The following KIF11 variants were observed in gnomAD, a reference collection of about 807,000 sequenced individuals.
The protein encoded by KIF11 is kinesin family member 11, also known as kinesin-like protein KIF11.
A neutral mutation model predicts 121.0 loss-of-function variants in KIF11; 9 were observed. The ratio of observed to expected loss-of-function variants is 0.07; its 90% confidence interval spans 0.04 to 0.13. The LOEUF (loss-of-function observed/expected upper bound fraction) is 0.13, where lower values mean the gene tolerates loss of function less well. Among genes scored for constraint, KIF11 ranks in the 10% least tolerant of loss-of-function variants. The pLI is 1.00. For synonymous variants in KIF11, 408 were observed against 421.0 expected (o/e 0.97, Z 0.38); for missense variants, 846 against 1,217.5 (o/e 0.69, Z 4.54).
chr10:92,637,163 T>G, intron 14 of KIF11, 21 bp from the exon 15 acceptor site: 1 of 1,555,968 alleles, frequency 6.4e-7, no homozygotes, highest in Non-Finnish European at 8.6e-7. Context: ...TAAAGACCTA[T>G]TTGTTTATTT....
intron 1 of KIF11, among the ~76,000 whole-genome samples, chr10:92,595,777 T>C (rs921943230): frequency 5.3e-5 from 8 of 152,172 alleles, no homozygotes; most frequent in South Asian, 2.1e-4. Context: ...GACTGTCTTA[T>C]GATTTTGACT....
chr10:92,649,948 C>A lies in KIF11; in HGVS notation c.2884C>A (p.Leu962Ile). 6.2e-7 allele frequency: 1 copy of A among 1,612,810 alleles called. No individual in the cohort carries two copies. Among genetic ancestry groups the A allele is most frequent in the Non-Finnish European group, 8.5e-7 (1 of 1,179,172 alleles). ...KRKQPELLMMLNCSENNKEET... is the reference protein window; with the variant it reads ...KRKQPELLMMINCSENNKEET... Reference sequence around the variant, plus strand: ...GAAACAGCCTGAGCTGTTAATGATGCTAAACTGTTCAGAAAACAACAAAGA... The same window carrying A: ...GAAACAGCCTGAGCTGTTAATGATGATAAACTGTTCAGAAAACAACAAAGA... The change falls in exon 20 of 22, where the codon CTA becomes ATA. Residue 962 changes from leucine (L) to isoleucine (I), a missense_variant. Coordinates refer to ENST00000260731, the MANE Select transcript of KIF11 (RefSeq NM_004523.4).
Position 92,593,405 on chromosome 10 carries a change from G to T in KIF11, c.30G>T (p.Lys10Asn). The part of the protein sequence containing the change: MASQPNSSA[K>N]KKEEKGKNIQ... ...CGTCGCAGCCAAATTCGTCTGCGAA[G>T]AAGAAAGAGGAGAAGGGGAAGAACA... The change falls in exon 1 of 22, where the codon AAG becomes AAT. Residue 10 changes from lysine to asparagine, a missense_variant. By Grantham distance (94) the Lys-to-Asn change is moderately conservative (BLOSUM62 0). This residue lies in a region of KIF11 where 140 missense variants were observed against 193.5 expected (regional missense o/e 0.72). Coordinates refer to ENST00000260731, the MANE Select transcript of KIF11 (RefSeq NM_004523.4). 1.2e-6 allele frequency: 2 copies of T among 1,611,254 alleles called. No homozygotes were observed. Among genetic ancestry groups the T allele is most frequent in the Non-Finnish European group, 1.7e-6 (2 of 1,179,006 alleles).
At chr10:92,612,430 C>T (rs1844508171) in intron 6 of KIF11, among the ~76,000 whole-genome samples, 1 of 152,098 alleles carries the variant, frequency 6.6e-6, no homozygotes, top group Non-Finnish European at 1.5e-5. Flanking sequence ...GAGCTACCAC[C>T]CCTGGCCTGA....
At chr10:92,645,317 G>T in intron 17 of KIF11, 46 bp from the exon 18 acceptor site, 1 of 1,406,618 alleles carries the variant, frequency 7.1e-7, no homozygotes. Flanking sequence ...TATATCCTTT[G>T]AGTCTTAATT....
intron 17 of KIF11, among the ~76,000 whole-genome samples, chr10:92,642,498 C>T (rs560043251): frequency 5.9e-5 from 9 of 152,286 alleles, no homozygotes; most frequent in Admixed American, 2.0e-4. Context: ...AGGTCATCCA[C>T]GGCCTTACTG....
At chr10:92,631,354 ATTTTTTT>A (rs1247892671) in intron 12 of KIF11, among the ~76,000 whole-genome samples, 1 of 131,956 alleles carries the variant, frequency 7.6e-6, no homozygotes, top group African/African-American at 3.0e-5. Context: ...AAAGTATTTA[ATTTTTTT>A]TTTTTTTTTT....
In KIF11 at chr10:92,629,603, C is replaced by A. The variant is rs985092609; in HGVS notation, c.1306-573C>A. On this transcript the variant is annotated intron_variant, in intron 11 of 21. Coordinates refer to ENST00000260731, the MANE Select transcript of KIF11 (RefSeq NM_004523.4). ...TTCAGGGCCACCCTCATATTAATAC[C>A]TTTATTTATTTATTTTTAATTATTT... is the stretch of plus-strand genomic sequence containing the variant. Among the ~76,000 whole-genome samples, 13 of 151,590 alleles carry A rather than the reference C, an allele frequency of 8.6e-5. 1 individual carries two copies. Among genetic ancestry groups the A allele is most frequent in the Non-Finnish European group, 1.9e-4 (13 of 67,976 alleles).
chr10:92,598,498 T>TTG (rs1844328025), intron 1 of KIF11, among the ~76,000 whole-genome samples: 1 of 152,202 alleles, frequency 6.6e-6, no homozygotes, highest in Non-Finnish European at 1.5e-5. Flanking sequence ...TATTGCAGCT[T>TTG]TGTAGTAAGT....
At chr10:92,612,033 A>G (rs774839091) in intron 6 of KIF11, among the ~76,000 whole-genome samples, 4 of 152,234 alleles carry the variant, frequency 2.6e-5, no homozygotes, top group Non-Finnish European at 5.9e-5. Flanking sequence ...GCCATTGGAT[A>G]CAGAAAGAAT....
At position 92,621,493 on chromosome 10, in the gene KIF11, G is replaced by A; in HGVS notation, c.1217+20G>A. ...TTTTAGGTAAGCCCTTGGCTATGGA[G>A]TTAATTTCCAAGAATAAGCATTTCT... On this transcript the variant is annotated intron_variant, in intron 10 of 21. Transcript: ENST00000260731. 1 of 1,439,646 alleles carries A rather than the reference G, an allele frequency of 6.9e-7. No homozygotes were observed. Among genetic ancestry groups the A allele is most frequent in the Non-Finnish European group, 9.7e-7 (1 of 1,026,992 alleles). The allele number at this position is 1,439,646 out of a possible 1,614,324, so 89.2% of individuals were successfully genotyped here. A position where few individuals can be genotyped will look rare whatever the true frequency, so the allele number is the denominator to read the frequency against.
intron 10 of KIF11, among the ~76,000 whole-genome samples, chr10:92,626,239 C>T (rs1038736173): frequency 3.9e-5 from 6 of 152,064 alleles, no homozygotes; most frequent in South Asian, 2.1e-4. Flanking sequence ...CCAATGGAAC[C>T]GAATAGAGAG....
chr10:92,614,818 C>G, intron 8 of KIF11, among the ~76,000 whole-genome samples: 1 of 152,186 alleles, frequency 6.6e-6, no homozygotes, highest in Non-Finnish European at 1.5e-5. Context: ...GAGTCTCATA[C>G]TGTTGCCAAG....
intron 17 of KIF11, among the ~76,000 whole-genome samples, chr10:92,641,791 C>G (rs879651448): frequency 2.0e-5 from 3 of 151,968 alleles, no homozygotes; most frequent in Non-Finnish European, 2.9e-5. Flanking sequence ...AATGTTAGAT[C>G]TTTTATTTTG....
At chr10:92,646,480 A>T (rs11187114) in intron 18 of KIF11, among the ~76,000 whole-genome samples, 47,166 of 151,996 alleles carry the variant, frequency 0.31, 8,249 homozygotes, top group East Asian at 0.67. Flanking sequence ...AATCTATATA[A>T]GCTGTTTTCA....
Position 92,648,284 on chromosome 10 carries a change from G to C in KIF11, c.2620G>C (p.Glu874Gln). The stretch of plus-strand genomic sequence containing the variant: ...ATCAGATGGACGTAAGGCAGCTCAT[G>C]AGAAACAGCATAACATTTTTCTTGA... ...EKSDGRKAAH[E>Q]KQHNIFLDQM... is the part of the protein sequence containing the mutation. Residue 874 changes from glutamate to glutamine, a missense_variant, in exon 19 of 22, where the codon GAG becomes CAG. Coordinates refer to ENST00000260731, the MANE Select transcript of KIF11 (RefSeq NM_004523.4). 6.2e-7 allele frequency: 1 copy of C among 1,613,710 alleles called. No homozygotes were observed. The highest frequency in any genetic ancestry group is 1.3e-5 in the African/African-American group (1 of 75,026).
intron 8 of KIF11, among the ~76,000 whole-genome samples, chr10:92,614,165 C>T (rs531661231): frequency 3.3e-5 from 5 of 150,736 alleles, no homozygotes; most frequent in African/African-American, 1.2e-4. Flanking sequence ...GACGCGATCT[C>T]GGCTCACTGC....
Position 92,639,879 on chromosome 10 carries a change from G to C in KIF11, c.2246G>C (p.Ser749Thr), listed in dbSNP as rs1235831938. 6.3e-7 allele frequency: 1 copy of C among 1,595,490 alleles called. No individual in the cohort carries two copies. Among genetic ancestry groups the C allele is most frequent in the East Asian group, 2.2e-5 (1 of 44,616 alleles). ...KCENIQKPLS[S>T]VQENIQQKSK... Reference sequence around the variant, plus strand: ...GAAAATATACAGAAACCACTTAGTAGTGTCCAGGAAAATATACAGCAGTAA... The same window carrying C: ...GAAAATATACAGAAACCACTTAGTACTGTCCAGGAAAATATACAGCAGTAA... The change falls in exon 17 of 22, where the codon AGT (serine) becomes ACT (threonine). Residue 749 changes from serine (S) to threonine (T), a missense_variant. Ser to Thr is a moderately conservative substitution (Grantham distance 58, BLOSUM62 1). Around this residue, in one of 5 missense-constraint regions of KIF11, gnomAD observed 492 missense variants for 603.4 expected, o/e 0.82. Transcript: ENST00000260731.
chr10:92,651,046 T>A (rs1397451953), intron 21 of KIF11, among the ~76,000 whole-genome samples: 2 of 150,928 alleles, frequency 1.3e-5, no homozygotes, highest in Non-Finnish European at 3.0e-5. Context: ...CCACTCTTCT[T>A]TTTTTTTTGA....
Sources: gnomAD v4.1 joint callset for allele counts (sites outside exome capture counted in the v4.1 genomes callset) on GRCh38, gnomAD v4.1.1 for gene constraint, gnomAD v4.1.1 regional missense constraint, MANE v1.5 for transcripts, NCBI Gene and HGNC (gene_info 2026-07-23, HGNC 2026-07-21) for gene names.